The following CLMN variants were observed in gnomAD, a reference collection of about 807,000 sequenced individuals.
The protein encoded by CLMN is calmin.
In CLMN, 57 loss-of-function variants were observed where a neutral mutation model predicts 92.7. That is an observed-to-expected ratio of 0.61 (90% CI 0.50 to 0.77). The LOEUF is 0.77. Among genes scored for constraint, CLMN ranks in the 30% least tolerant of loss-of-function variants. The pLI is 0.00. For synonymous variants in CLMN, 466 were observed against 470.6 expected (o/e 0.99, Z 0.13); for missense variants, 1,158 against 1,237.5 (o/e 0.94, Z 0.96).
intron 9 of CLMN, among the ~76,000 whole-genome samples, chr14:95,199,849 G>A (rs998518488): frequency 4.6e-5 from 7 of 151,988 alleles, no homozygotes; most frequent in African/African-American, 1.2e-4. Context: ...GAGCCTGGAT[G>A]TCTGGGGGTG....
rs1469949183 is a variant in CLMN, at chr14:95,319,654, G to A, written c.82+57C>T. 1.3e-5 allele frequency: 18 copies of A among 1,422,450 alleles called. No homozygotes were observed. The East Asian group carries it at 3.6e-4, about 28-fold the overall frequency. The allele number at this position is 1,422,450 out of a possible 1,614,324, so 88.1% of individuals were successfully genotyped here. On this transcript the variant is annotated intron_variant, in intron 1 of 12. Coordinates refer to ENST00000298912, the MANE Select transcript of CLMN (RefSeq NM_024734.4). ...CGGGGGAGTTGCCAAGTGTCGGAGC[G>A]GCGCCCCGGGCCCCCCGAGCGCCCA...
intron 1 of CLMN, among the ~76,000 whole-genome samples, chr14:95,238,751 C>T (rs186966275): frequency 8.5e-5 from 13 of 152,140 alleles, no homozygotes; most frequent in African/African-American, 2.9e-4. Flanking sequence ...AATACATGCC[C>T]GCAGAGACTC....
In CLMN at chr14:95,290,910, C is replaced by A. The variant is rs1900539006; in HGVS notation, c.82+28801G>T. 4.6e-5 allele frequency among the ~76,000 whole-genome samples: 7 copies of A among 152,140 alleles called. No individual in the cohort carries two copies. In the South Asian group the frequency reaches 1.2e-3, roughly 27 times the overall value. On this transcript the variant is annotated intron_variant, in intron 1 of 12. Coordinates refer to ENST00000298912, the MANE Select transcript of CLMN (RefSeq NM_024734.4). ...GGGTGGTAGCCTAGGGATACCGACG[C>A]AGAATAACTAATAATACCAAGGACA...
At chr14:95,274,840 T>G (rs1884533) in intron 1 of CLMN, among the ~76,000 whole-genome samples, 32,611 of 151,906 alleles carry the variant, frequency 0.21, 4,029 homozygotes, top group African/African-American at 0.34. Context: ...TTAGCTGGGC[T>G]TGGTGGCAGG....
chr14:95,223,881 G>C, intron 2 of CLMN, 26 bp from the exon 3 acceptor site: 1 of 1,510,852 alleles, frequency 6.6e-7, no homozygotes, highest in Non-Finnish European at 9.2e-7. Flanking sequence ...GAAGAAAGTA[G>C]CCAATTAGCA....
At chr14:95,228,726 G>C (rs145314188) in intron 2 of CLMN, among the ~76,000 whole-genome samples, 2 of 152,216 alleles carry the variant, frequency 1.3e-5, no homozygotes, top group African/African-American at 4.8e-5. Context: ...CCAGGCTGGA[G>C]TGCAGTGGTG....
Position 95,287,384 on chromosome 14 carries a change from C to T in CLMN, c.82+32327G>A, listed in dbSNP as rs117586104. ...TATGCTGGGCCTGCCTCAACCTGCCCGCCCTTCTCAGCATGGCGCGATGTT... is the reference window on the plus strand; with the variant it reads ...TATGCTGGGCCTGCCTCAACCTGCCTGCCCTTCTCAGCATGGCGCGATGTT... On this transcript the variant is annotated intron_variant, in intron 1 of 12. Coordinates refer to ENST00000298912, the MANE Select transcript of CLMN (RefSeq NM_024734.4). 3.4e-3 allele frequency among the ~76,000 whole-genome samples: 512 copies of T among 152,320 alleles called. 6 individuals are homozygous for T. Among genetic ancestry groups the T allele is most frequent in the East Asian group, 0.028 (146 of 5,186 alleles).
rs1350157442 is a variant in CLMN at position 95,221,773 on chromosome 14, AGC to A, written c.241-1_241del. 6.2e-7 allele frequency: 1 copy of A among 1,614,066 alleles called. No individual in the cohort carries two copies. Among genetic ancestry groups the A allele is most frequent in the African/African-American group, 1.3e-5 (1 of 74,952 alleles). On this transcript the variant is annotated splice_acceptor_variant and coding_sequence_variant, in exon 4 of 13. Coordinates refer to ENST00000298912, the MANE Select transcript of CLMN (RefSeq NM_024734.4). LOFTEE classifies it high-confidence loss of function. ...ATGCGACGAGGATTTGTATTCGTGCAGCTATAAAACAGAACAGAACAAAACAA... is the reference window on the plus strand; with the variant it reads ...ATGCGACGAGGATTTGTATTCGTGCATATAAAACAGAACAGAACAAAACAA...
intron 1 of CLMN, among the ~76,000 whole-genome samples, chr14:95,309,179 G>C (rs1901419350): frequency 6.6e-6 from 1 of 152,160 alleles, no homozygotes; most frequent in African/African-American, 2.4e-5. Flanking sequence ...CTTGTAAGTT[G>C]CATGTCTAGC....
At position 95,187,219 on chromosome 14, in the gene CLMN, G is replaced by A. The variant is rs1896461216; in HGVS notation, c.*4345C>T. 1 of 152,194 alleles carries A rather than the reference G, an allele frequency of 6.6e-6. No homozygotes were observed. Among genetic ancestry groups the A allele is most frequent in the Admixed American group, 6.5e-5 (1 of 15,282 alleles). 9.4% of individuals were successfully genotyped at this position (152,194 alleles called of 1,614,324 possible). Reference sequence around the variant, plus strand: ...TGAGATAACTCAAATGGGGTTTATGGATCAAGATGGTATACTGAACACATG... The same window carrying A: ...TGAGATAACTCAAATGGGGTTTATGAATCAAGATGGTATACTGAACACATG... On this transcript the variant is annotated 3_prime_UTR_variant, in exon 13 of 13. Coordinates refer to ENST00000298912, the MANE Select transcript of CLMN (RefSeq NM_024734.4).
Position 95,194,675 on chromosome 14 carries a change from G to A in CLMN, c.2709-79C>T. 7 of 1,365,996 alleles carry A rather than the reference G, an allele frequency of 5.1e-6. No homozygotes were observed. The highest frequency in any genetic ancestry group is 6.3e-6 in the Non-Finnish European group (6 of 954,864). The allele number at this position is 1,365,996 out of a possible 1,614,324, so 84.6% of individuals were successfully genotyped here. ...CAGTTGTACGGTCACCCCCATCCTG[G>A]GGTTTCCACGTATGGGTTTAGGCAA... On this transcript the variant is annotated intron_variant, in intron 10 of 12. Transcript: ENST00000298912. The surrounding 1 kb of genome is among the most constrained non-coding windows in gnomAD (Gnocchi z 4.0).
Position 95,194,132 on chromosome 14 carries a change from C to T in CLMN, c.2770-213G>A, listed in dbSNP as rs189715545. The T allele has an allele frequency of 1.4e-6, 2 of 1,415,906 alleles. No individual in the cohort carries two copies. The highest frequency in any genetic ancestry group is 2.9e-5 in the African/African-American group (2 of 69,230). 87.7% of individuals were successfully genotyped at this position (1,415,906 alleles called of 1,614,324 possible). A position where few individuals can be genotyped will look rare whatever the true frequency, so the allele number is the denominator to read the frequency against. ...CCCTCCCTTGTGAGTGCGAGAGACC[C>T]CACCACCCGGAACCCGGATTGGGGT... is the stretch of plus-strand genomic sequence containing the variant. On this transcript the variant is annotated intron_variant, in intron 11 of 12. Transcript: ENST00000298912. The surrounding 1 kb of genome is among the most constrained non-coding windows in gnomAD (Gnocchi z 4.0).
rs1222176333 is a variant in CLMN at position 95,204,080 on chromosome 14, C to G, written c.1269G>C (p.Lys423Asn). Reference protein sequence around the residue: ...ENGRSNSLPIKKTVHFEADTY... With the variant: ...ENGRSNSLPINKTVHFEADTY... The stretch of plus-strand genomic sequence containing the variant: ...TGTCAGCCTCAAAGTGAACTGTTTT[C>G]TTGATCGGCAAAGAGTTGGACCTCC... Residue 423 changes from lysine (K) to asparagine (N), a missense_variant, in exon 9 of 13, where the codon AAG (lysine) becomes AAC (asparagine). Physicochemically the swap from Lys to Asn is moderately conservative, Grantham distance 94. Coordinates refer to ENST00000298912, the MANE Select transcript of CLMN (RefSeq NM_024734.4). The G allele has an allele frequency of 2.5e-6, 4 of 1,614,056 alleles. No individual in the cohort carries two copies. In the Admixed American group the frequency reaches 6.7e-5, roughly 27 times the overall value.
rs772862568 is a variant in CLMN at position 95,204,053 on chromosome 14, G to C, written c.1296C>G (p.Thr432=). ...TCTTACTGCAGAAAGGATCCTTGTA[G>C]GTGTCAGCCTCAAAGTGAACTGTTT... ...IKKTVHFEAD[T]YKDPFCSKNL... Residue 432 remains threonine, a synonymous_variant, in exon 9 of 13, where the codon ACC becomes ACG. Transcript: ENST00000298912. 1.4e-5 allele frequency: 22 copies of C among 1,614,192 alleles called. No homozygotes were observed. Among genetic ancestry groups the C allele is most frequent in the Non-Finnish European group, 1.9e-5 (22 of 1,180,048 alleles).
intron 1 of CLMN, among the ~76,000 whole-genome samples, chr14:95,292,428 T>TCCCCCCCCCCC (rs1263766978): frequency 5.2e-3 from 384 of 74,074 alleles, no homozygotes; most frequent in Middle Eastern, 7.1e-3. Flanking sequence ...CCCCCAAGGG[T>TCCCCCCCCCCC]CCCCCACCCC....
chr14:95,275,854 G>A (rs1178139165), intron 1 of CLMN, among the ~76,000 whole-genome samples: 1 of 151,522 alleles, frequency 6.6e-6, no homozygotes, highest in Non-Finnish European at 1.5e-5. Context: ...GTAGAGATGG[G>A]GATTTGCCAT....
intron 1 of CLMN, among the ~76,000 whole-genome samples, chr14:95,246,387 C>T (rs896544285): frequency 1.3e-5 from 2 of 152,222 alleles, no homozygotes; most frequent in African/African-American, 4.8e-5. Context: ...TTTCTTCTCT[C>T]TCCTTTTGCC....
intron 4 of CLMN, among the ~76,000 whole-genome samples, chr14:95,220,243 C>A (rs1897489744): frequency 8.0e-6 from 1 of 125,652 alleles, no homozygotes; most frequent in South Asian, 2.7e-4. Context: ...GTGGCGAGAT[C>A]TTAGCTCACT....
intron 3 of CLMN, chr14:95,222,371 A>G (rs546064567): frequency 1.5e-5 from 5 of 323,038 alleles, no homozygotes; most frequent in African/African-American, 2.2e-5. Context: ...GGTTAGCTCT[A>G]CATACCAGGA....
Sources: gnomAD v4.1 joint callset for allele counts (sites outside exome capture counted in the v4.1 genomes callset) on GRCh38, gnomAD v4.1.1 for gene constraint, Gnocchi (gnomAD v3.1) non-coding constraint, MANE v1.5 for transcripts, NCBI Gene and HGNC (gene_info 2026-07-23, HGNC 2026-07-21) for gene names.